Variants in SUPT3H observed in about 807,000 individuals in gnomAD.
SUPT3H encodes the protein transcription initiation protein SPT3 homolog.
SUPT3H carries 44 observed loss-of-function variants against 44.3 expected under a neutral mutation model. That is an observed-to-expected ratio of 0.99 (90% CI 0.78 to 1.28). The LOEUF is 1.28. SUPT3H is among the 50% of genes most tolerant of loss of function. The probability of loss-of-function intolerance (pLI) is 0.00; values close to 1 mark genes in which losing one functional copy is unlikely to be tolerated. For synonymous variants in SUPT3H, 124 were observed against 125.6 expected (o/e 0.99, Z 0.09); for missense variants, 380 against 387.1 (o/e 0.98, Z 0.15).
In SUPT3H at chr6:45,154,844, C is replaced by T. The variant is rs551376067; in HGVS notation, c.102-48838G>A. On this transcript the variant is annotated intron_variant, in intron 2 of 10. Transcript: ENST00000371459. ...TTAAATAAACGTGTATGCCCTTTCC[C>T]CTATTAATCTGCCTTTTGTCAGTTC... 4.6e-5 allele frequency among the ~76,000 whole-genome samples: 7 copies of T among 152,280 alleles called. No individual in the cohort carries two copies. In the South Asian group the frequency reaches 1.5e-3, roughly 32 times the overall value.
intron 2 of SUPT3H, among the ~76,000 whole-genome samples, chr6:45,189,834 C>T (rs1419735857): frequency 6.6e-6 from 1 of 152,120 alleles, no homozygotes; most frequent in Non-Finnish European, 1.5e-5. Context: ...CTTGATGTCC[C>T]AAGTTATATG....
intron 3 of SUPT3H, among the ~76,000 whole-genome samples, chr6:45,080,963 T>C (rs1028618062): frequency 6.6e-6 from 1 of 152,010 alleles, no homozygotes; most frequent in African/African-American, 2.4e-5. Flanking sequence ...CTTGAGGTGA[T>C]GGATGCCTCA....
intron 3 of SUPT3H, among the ~76,000 whole-genome samples, chr6:45,022,509 A>G (rs1785308451): frequency 6.6e-6 from 1 of 151,884 alleles, no homozygotes; most frequent in Non-Finnish European, 1.5e-5. Context: ...TGTAGTAGGA[A>G]AAGTTTATCT....
intron 11 of SUPT3H, among the ~76,000 whole-genome samples, chr6:44,819,487 T>A (rs1387978979): frequency 9.0e-6 from 1 of 110,874 alleles, no homozygotes; most frequent in Non-Finnish European, 1.7e-5. Flanking sequence ...AGACTAAGCA[T>A]TTTTTTTTTT....
intron 10 of SUPT3H, among the ~76,000 whole-genome samples, chr6:44,903,875 A>G (rs1486019433): frequency 6.6e-6 from 1 of 152,242 alleles, no homozygotes; most frequent in East Asian, 1.9e-4. Flanking sequence ...GGCTGGTTCA[A>G]CATACGAAAA....
intron 2 of SUPT3H, among the ~76,000 whole-genome samples, chr6:45,321,340 T>G (rs577714583): frequency 6.6e-6 from 1 of 152,300 alleles, no homozygotes; most frequent in Non-Finnish European, 1.5e-5. Flanking sequence ...AAACATAAAA[T>G]GGTTTACCTT....
chr6:45,246,200 A>G (rs1402485480), intron 2 of SUPT3H, among the ~76,000 whole-genome samples: 2 of 152,132 alleles, frequency 1.3e-5, no homozygotes, highest in Admixed American at 1.3e-4. Flanking sequence ...TGATTTAGAA[A>G]TATTTTCCCA....
chr6:45,205,172 C>T (rs1480400816), intron 2 of SUPT3H, among the ~76,000 whole-genome samples: 4 of 152,180 alleles, frequency 2.6e-5, no homozygotes, highest in Non-Finnish European at 4.4e-5. Flanking sequence ...ATTTCCTTCT[C>T]CTTCTATCAG....
chr6:45,204,064 T>C (rs921478576), intron 2 of SUPT3H, among the ~76,000 whole-genome samples: 3 of 151,916 alleles, frequency 2.0e-5, no homozygotes, highest in African/African-American at 7.3e-5. Flanking sequence ...CTGGCCAACA[T>C]TGTGAAACCC....
intron 10 of SUPT3H, among the ~76,000 whole-genome samples, chr6:44,916,813 G>A (rs1295854441): frequency 1.3e-5 from 2 of 152,128 alleles, no homozygotes; most frequent in East Asian, 3.9e-4. Flanking sequence ...AAGCTTTGAA[G>A]TATTATTACT....
At chr6:44,905,662 A>G (rs1421641419) in intron 10 of SUPT3H, among the ~76,000 whole-genome samples, 2 of 152,134 alleles carry the variant, frequency 1.3e-5, no homozygotes, top group African/African-American at 4.8e-5. Flanking sequence ...CAGCCATCCC[A>G]TTACTGGGTA....
chr6:45,308,404 C>A (rs1182221696), intron 2 of SUPT3H, among the ~76,000 whole-genome samples: 6 of 152,192 alleles, frequency 3.9e-5, no homozygotes, highest in Non-Finnish European at 8.8e-5. Flanking sequence ...GATCTCTCAG[C>A]AGAAACTACG....
intron 2 of SUPT3H, among the ~76,000 whole-genome samples, chr6:45,349,211 A>G (rs1433809472): frequency 1.3e-5 from 2 of 152,164 alleles, no homozygotes; most frequent in Non-Finnish European, 2.9e-5. Flanking sequence ...CTACTTCTAC[A>G]TATTTAAAGT....
intron 2 of SUPT3H, among the ~76,000 whole-genome samples, chr6:45,155,135 AT>A (rs1192816899): frequency 6.6e-6 from 1 of 152,192 alleles, no homozygotes; most frequent in African/African-American, 2.4e-5. Flanking sequence ...CCTATTTCAA[AT>A]ATATATGTTG....
intron 2 of SUPT3H, among the ~76,000 whole-genome samples, chr6:45,336,530 C>A (rs577836342): frequency 1.2e-4 from 18 of 151,476 alleles, no homozygotes; most frequent in Admixed American, 4.0e-4. Context: ...TCAAGATACA[C>A]TTAAATATTT....
intron 2 of SUPT3H, among the ~76,000 whole-genome samples, chr6:45,321,548 TTAATA>T (rs1785501590): frequency 6.6e-6 from 1 of 152,178 alleles, no homozygotes; most frequent in Non-Finnish European, 1.5e-5. Flanking sequence ...CACATCTAAC[TTAATA>T]CATATTCCAT....
chr6:44,912,066 A>T (rs1436332927), intron 10 of SUPT3H, among the ~76,000 whole-genome samples: 1 of 152,224 alleles, frequency 6.6e-6, no homozygotes, highest in Non-Finnish European at 1.5e-5. Context: ...ATTCAGCAGC[A>T]GTTTCCTTTG....
rs530683726 is a variant in SUPT3H at position 45,214,646 on chromosome 6, A to G, written c.102-108640T>C. Among the ~76,000 whole-genome samples, 46 of 152,296 alleles carry G rather than the reference A, an allele frequency of 3.0e-4. 1 individual carries two copies. The South Asian group carries it at 9.3e-3, about 31-fold the overall frequency. ...AGGATCACTTGAGGCCAAGAGTTGA[A>G]GACCAGCCTGAGCAATACAGTGAGC... On this transcript the variant is annotated intron_variant, in intron 2 of 10. Coordinates refer to ENST00000371459, the MANE Select transcript of SUPT3H (RefSeq NM_003599.4).
chr6:44,976,651 C>A (rs1257430845), intron 6 of SUPT3H, among the ~76,000 whole-genome samples: 4 of 152,122 alleles, frequency 2.6e-5, no homozygotes, highest in Non-Finnish European at 4.4e-5. Flanking sequence ...GCATGAGGCA[C>A]TGCGCCCGGC....
Sources: gnomAD v4.1 joint callset for allele counts (sites outside exome capture counted in the v4.1 genomes callset) on GRCh38, gnomAD v4.1.1 for gene constraint, MANE v1.5 for transcripts, NCBI Gene and HGNC (gene_info 2026-07-23, HGNC 2026-07-21) for gene names.